The following SYT9 variants were observed in gnomAD, a reference collection of about 807,000 sequenced individuals.
SYT9 encodes the protein synaptotagmin-9.
Under a neutral mutation model 48.4 loss-of-function variants are expected in SYT9, and 22 were observed. The observed-to-expected ratio is 0.45, with a 90% confidence interval of 0.32 to 0.65. SYT9 has a LOEUF of 0.65. Ranked by LOEUF, SYT9 falls within the 30% of genes least tolerant of loss-of-function variation. SYT9 has a pLI of 0.03. For synonymous variants in SYT9, 265 were observed against 245.0 expected, an observed-to-expected ratio of 1.08 and a Z score of -0.76; for missense variants, 577 against 622.0, an observed-to-expected ratio of 0.93 and a Z score of 0.77.
At chr11:7,305,426 C>A (rs1296728190) in intron 2 of SYT9, among the ~76,000 whole-genome samples, 1 of 152,152 alleles carries the variant, frequency 6.6e-6, no homozygotes, top group Non-Finnish European at 1.5e-5. Context: ...ATATCCTTGT[C>A]TCAGGATCTC....
chr11:7,430,072 T>G (rs1207151959), intron 6 of SYT9, among the ~76,000 whole-genome samples: 1 of 112,442 alleles, frequency 8.9e-6, no homozygotes, highest in Admixed American at 8.7e-5. Flanking sequence ...GCAATTCATT[T>G]ATTTACAGCA....
At chr11:7,241,148 G>C (rs578079806) in intron 1 of SYT9, among the ~76,000 whole-genome samples, 39 of 151,828 alleles carry the variant, frequency 2.6e-4, no homozygotes, top group Non-Finnish European at 4.3e-4. Context: ...TTCCTCTACT[G>C]GCCAAGCCTA....
rs905503714 is a variant in SYT9 at position 7,453,071 on chromosome 11, C to T, written c.1468-13721C>T. ...TGCTGGGATTACAGGTGTGAGCCAC[C>T]GCGCCCGGCCCTGAAACTCCTTTAA... On this transcript the variant is annotated intron_variant, in intron 6 of 6. Coordinates refer to ENST00000318881, the MANE Select transcript of SYT9 (RefSeq NM_175733.4). Among the ~76,000 whole-genome samples the T allele has an allele frequency of 3.3e-5, 5 of 151,742 alleles. No individual in the cohort carries two copies. The South Asian group carries it at 8.3e-4, about 25-fold the overall frequency.
intron 2 of SYT9, among the ~76,000 whole-genome samples, chr11:7,303,847 C>T (rs941064154): frequency 2.0e-5 from 3 of 152,156 alleles, no homozygotes; most frequent in African/African-American, 7.2e-5. Context: ...AGAATTTATT[C>T]CCTGTGCATC....
At chr11:7,419,094 A>T (rs992423474) in intron 5 of SYT9, among the ~76,000 whole-genome samples, 1 of 152,200 alleles carries the variant, frequency 6.6e-6, no homozygotes, top group African/African-American at 2.4e-5. Flanking sequence ...TGAGTGTGAC[A>T]GCCCATGCTG....
At chr11:7,445,537 A>C (rs1847910757) in intron 6 of SYT9, among the ~76,000 whole-genome samples, 1 of 152,124 alleles carries the variant, frequency 6.6e-6, no homozygotes, top group South Asian at 2.1e-4. Flanking sequence ...ACCTTGCTGC[A>C]CTGCTGGTAC....
At chr11:7,432,581 AAATATATATACATATATATATATAT>A (rs1564902058) in intron 6 of SYT9, among the ~76,000 whole-genome samples, 45 of 3,078 alleles carry the variant, frequency 0.015, 5 homozygotes, top group South Asian at 0.038. Context: ...AAAAAAAAAA[AAATATATATACATATATATATATAT>A]ATATATATAT....
intron 3 of SYT9, among the ~76,000 whole-genome samples, chr11:7,315,094 G>A (rs1221117359): frequency 2.0e-5 from 3 of 152,204 alleles, no homozygotes. Context: ...TAAACAAAAT[G>A]TAGCATGGGA....
At chr11:7,434,275 A>T (rs1847661787) in intron 6 of SYT9, among the ~76,000 whole-genome samples, 2 of 152,162 alleles carry the variant, frequency 1.3e-5, no homozygotes, top group African/African-American at 4.8e-5. Context: ...GGTTCAAGAT[A>T]ACAAAATATA....
chr11:7,289,731 A>G (rs1188113279), intron 1 of SYT9, among the ~76,000 whole-genome samples: 4 of 152,218 alleles, frequency 2.6e-5, no homozygotes, highest in South Asian at 2.1e-4. Context: ...TGTAATCTTA[A>G]GTATTATTTT....
chr11:7,331,077 C>T (rs969093960), intron 3 of SYT9, among the ~76,000 whole-genome samples: 1 of 151,424 alleles, frequency 6.6e-6, no homozygotes, highest in African/African-American at 2.4e-5. Flanking sequence ...GGATTACAGG[C>T]GTGAGCCACA....
chr11:7,381,256 TA>T (rs1007166812), intron 3 of SYT9, among the ~76,000 whole-genome samples: 33 of 151,914 alleles, frequency 2.2e-4, no homozygotes, highest in African/African-American at 7.7e-4. Context: ...TAGCCTAAGT[TA>T]AAAAAAAGGA....
intron 3 of SYT9, among the ~76,000 whole-genome samples, chr11:7,367,675 T>G (rs1850278771): frequency 1.3e-5 from 2 of 152,200 alleles, no homozygotes; most frequent in South Asian, 4.1e-4. Context: ...TCTTAGTAAT[T>G]TTTAAGATCT....
intron 3 of SYT9, among the ~76,000 whole-genome samples, chr11:7,344,048 C>T (rs1849758268): frequency 6.6e-6 from 1 of 152,188 alleles, no homozygotes; most frequent in South Asian, 2.1e-4. Context: ...ATGGGAGCTA[C>T]AATTCAAGAT....
At position 7,367,284 on chromosome 11, in the gene SYT9, G is replaced by A. The variant is rs544680961; in HGVS notation, c.1045-48758G>A. The stretch of plus-strand genomic sequence containing the variant: ...TTTTTTTGGTATTTTTAGTAGAGAC[G>A]GGGTTTCACCGTGGTCTCGATCTCC... On this transcript the variant is annotated intron_variant, in intron 3 of 6. Transcript: ENST00000318881. 1.8e-3 allele frequency among the ~76,000 whole-genome samples: 263 copies of A among 149,856 alleles called. 2 individuals are homozygous for A. The highest frequency in any genetic ancestry group is 6.9e-3 in the Admixed American group (104 of 15,094).
At chr11:7,365,658 C>T (rs1372276430) in intron 3 of SYT9, among the ~76,000 whole-genome samples, 1 of 152,182 alleles carries the variant, frequency 6.6e-6, no homozygotes, top group Non-Finnish European at 1.5e-5. Context: ...AGAGTATTTT[C>T]ACCAACAGTT....
intron 1 of SYT9, among the ~76,000 whole-genome samples, chr11:7,277,368 C>A (rs1387471737): frequency 6.6e-6 from 1 of 152,160 alleles, no homozygotes; most frequent in African/African-American, 2.4e-5. Flanking sequence ...TCATTATGTG[C>A]TGTGTGTTAC....
At position 7,466,909 on chromosome 11, in the gene SYT9, A is replaced by G. The variant is rs1848348063; in HGVS notation, c.*109A>G. The G allele has an allele frequency of 7.3e-7, 1 of 1,368,804 alleles. No homozygotes were observed. Among genetic ancestry groups the G allele is most frequent in the African/African-American group, 1.4e-5 (1 of 68,970 alleles). 84.8% of individuals were successfully genotyped at this position (1,368,804 alleles called of 1,614,324 possible). ...AACATCCAGACGATTTCAGTGACCA[A>G]ATGCTCAGCTGTAACCACAGCACTA... is the stretch of plus-strand genomic sequence containing the variant. On this transcript the variant is annotated 3_prime_UTR_variant, in exon 7 of 7. Coordinates refer to ENST00000318881, the MANE Select transcript of SYT9 (RefSeq NM_175733.4).
chr11:7,247,648 A>G (rs1328053462), upstream of SYT9, among the ~76,000 whole-genome samples: 4 of 135,790 alleles, frequency 2.9e-5, no homozygotes, highest in South Asian at 2.3e-4. Context: ...TACGTGATAT[A>G]TATATATACA....
Sources: gnomAD v4.1 joint callset for allele counts (sites outside exome capture counted in the v4.1 genomes callset) on GRCh38, gnomAD v4.1.1 for gene constraint, MANE v1.5 for transcripts, NCBI Gene and HGNC (gene_info 2026-07-23, HGNC 2026-07-21) for gene names.